PPP4R3B: variants seen among roughly 807,000 people sequenced by gnomAD.
PPP4R3B encodes serine/threonine-protein phosphatase 4 regulatory subunit 3B.
A neutral mutation model predicts 95.4 loss-of-function variants in PPP4R3B; 52 were observed. The ratio of observed to expected loss-of-function variants is 0.54; its 90% CI spans 0.44 to 0.69. The LOEUF (loss-of-function observed/expected upper bound fraction) is 0.69. Among genes scored for constraint, PPP4R3B ranks in the 30% least tolerant of loss-of-function variants. The pLI is 0.00. For missense variants in PPP4R3B, 1,003 were observed against 1,005.9 expected, an observed-to-expected ratio of 1.00 and a Z score of 0.04; for synonymous variants, 407 against 343.9, an observed-to-expected ratio of 1.18 and a Z score of -2.03.
intron 16 of PPP4R3B, among the ~76,000 whole-genome samples, chr2:55,557,771 C>A (rs911084104): frequency 1.3e-5 from 2 of 151,980 alleles, no homozygotes; most frequent in Non-Finnish European, 2.9e-5. Flanking sequence ...CAATAGTTGT[C>A]CCCTATTTAT....
intron 15 of PPP4R3B, among the ~76,000 whole-genome samples, chr2:55,561,816 A>G (rs1335132458): frequency 1.3e-5 from 2 of 152,070 alleles, no homozygotes; most frequent in African/African-American, 4.8e-5. Flanking sequence ...CTTGTTTTTT[A>G]TTTTATAGGA....
rs750406044 is a variant in PPP4R3B at position 55,558,820 on chromosome 2, G to C, written c.2409C>G (p.Ser803=). The C allele has an allele frequency of 6.2e-7, 1 of 1,612,842 alleles. No individual in the cohort carries two copies. The highest frequency in any genetic ancestry group is 1.7e-5 in the Admixed American group (1 of 59,944). Residue 803 remains serine (S), a synonymous_variant, in exon 16 of 17, where the codon TCC becomes TCG. Transcript: ENST00000616407. ...AQIPPATSNG[S]SSKTTNLPTS... is the part of the protein sequence containing the mutation. ...TAGGCAAGTTTGTGGTTTTGGAAGA[G>C]GATCCATTAGAAGTTGCTGGTGGTA...
chr2:55,558,921 C>A lies in PPP4R3B; in HGVS notation c.2308G>T (p.Gly770Cys). The A allele has an allele frequency of 6.2e-7, 1 of 1,613,238 alleles. No individual in the cohort carries two copies. Among genetic ancestry groups the A allele is most frequent in the Non-Finnish European group, 8.5e-7 (1 of 1,179,636 alleles). ...TGGGAGAAAGTAAATTTGAAGCCAC[C>A]AGGAGATGTCCTTTTGGGAAGGTTT... Reference protein sequence around the residue: ...KENLPKRTSPGGFKFTFSHSA... With the variant: ...KENLPKRTSPCGFKFTFSHSA... The change falls in exon 16 of 17, where the codon GGT becomes TGT. Residue 770 changes from glycine to cysteine, a missense_variant. Transcript: ENST00000616407.
intron 3 of PPP4R3B, among the ~76,000 whole-genome samples, chr2:55,600,235 T>G (rs908598980): frequency 6.6e-6 from 1 of 152,074 alleles, no homozygotes; most frequent in Admixed American, 6.6e-5. Context: ...AAGACCAGCC[T>G]GACCAACATG....
chr2:55,551,516 C>T (rs573620033), intron 16 of PPP4R3B, among the ~76,000 whole-genome samples: 1 of 152,070 alleles, frequency 6.6e-6, no homozygotes, highest in South Asian at 2.1e-4. Context: ...TTTGGGAGGC[C>T]AAGGTAGGTG....
intron 2 of PPP4R3B, among the ~76,000 whole-genome samples, chr2:55,607,607 T>A (rs774209030): frequency 6.6e-5 from 10 of 152,176 alleles, no homozygotes; most frequent in Non-Finnish European, 1.0e-4. Context: ...TCCAGGAACT[T>A]CCACTTAGTT....
intron 16 of PPP4R3B, among the ~76,000 whole-genome samples, chr2:55,555,046 C>T (rs559614073): frequency 2.0e-5 from 3 of 152,090 alleles, no homozygotes; most frequent in Non-Finnish European, 2.9e-5. Context: ...TTTGGGAGGC[C>T]GAGGCAGGCA....
At chr2:55,561,140 G>A (rs371293089) in intron 15 of PPP4R3B, among the ~76,000 whole-genome samples, 21 of 152,104 alleles carry the variant, frequency 1.4e-4, no homozygotes, top group East Asian at 7.8e-4. Flanking sequence ...CAGCCATGGC[G>A]AAAAGGAGCC....
intron 2 of PPP4R3B, among the ~76,000 whole-genome samples, chr2:55,612,811 T>C (rs373802658): frequency 3.3e-5 from 5 of 152,162 alleles, no homozygotes; most frequent in African/African-American, 1.2e-4. Flanking sequence ...CTGGGCGTGG[T>C]GGCGGGCGCC....
chr2:55,613,646 C>G (rs1694500969), intron 2 of PPP4R3B, among the ~76,000 whole-genome samples: 1 of 151,952 alleles, frequency 6.6e-6, no homozygotes, highest in Non-Finnish European at 1.5e-5. Context: ...CAAACCTACT[C>G]CATAATGTGA....
intron 11 of PPP4R3B, 48 bp from the exon 12 acceptor site, chr2:55,573,825 A>G (rs1246781267): frequency 8.1e-7 from 1 of 1,229,964 alleles, no homozygotes; most frequent in Non-Finnish European, 1.1e-6. Flanking sequence ...ATATATCTAA[A>G]TAAAGAATAA....
intron 15 of PPP4R3B, among the ~76,000 whole-genome samples, chr2:55,560,156 TTGGAAC>T (rs1238945993): frequency 3.3e-5 from 5 of 151,980 alleles, no homozygotes; most frequent in Admixed American, 1.3e-4. Flanking sequence ...GGAAGCGACT[TTGGAAC>T]TGGGTAATAG....
chr2:55,612,777 T>G (rs1016669518), intron 2 of PPP4R3B, among the ~76,000 whole-genome samples: 16 of 151,920 alleles, frequency 1.1e-4, no homozygotes, highest in African/African-American at 3.9e-4. Context: ...ACCCCATCTC[T>G]ACTAAAAAAT....
chr2:55,616,927 A>G (rs536849047), intron 1 of PPP4R3B, among the ~76,000 whole-genome samples: 2 of 152,208 alleles, frequency 1.3e-5, no homozygotes, highest in Non-Finnish European at 2.9e-5. Context: ...AAGGAGTCCA[A>G]TCCTTAAGAG....
intron 12 of PPP4R3B, among the ~76,000 whole-genome samples, chr2:55,570,787 A>G (rs1233336485): frequency 6.6e-6 from 1 of 152,228 alleles, no homozygotes; most frequent in East Asian, 1.9e-4. Flanking sequence ...TGTTAACTGT[A>G]ACACCAAACA....
At chr2:55,566,239 C>T (rs1015707196) in intron 13 of PPP4R3B, among the ~76,000 whole-genome samples, 5 of 151,948 alleles carry the variant, frequency 3.3e-5, no homozygotes, top group East Asian at 1.9e-4. Flanking sequence ...AAAAAAAATA[C>T]GCAAATCAGA....
At chr2:55,552,285 C>T (rs573484027) in intron 16 of PPP4R3B, among the ~76,000 whole-genome samples, 1 of 151,912 alleles carries the variant, frequency 6.6e-6, no homozygotes, top group Non-Finnish European at 1.5e-5. Flanking sequence ...TTTAAAATAG[C>T]AGATTGAAAT....
chr2:55,588,667 A>G (rs1181996774), intron 5 of PPP4R3B, among the ~76,000 whole-genome samples: 1 of 152,186 alleles, frequency 6.6e-6, no homozygotes, highest in Non-Finnish European at 1.5e-5. Context: ...GTGATACATC[A>G]GAACATCCTA....
intron 11 of PPP4R3B, among the ~76,000 whole-genome samples, chr2:55,574,079 G>C (rs760821569): frequency 6.6e-6 from 1 of 150,990 alleles, no homozygotes. Flanking sequence ...TTTTTGTAGA[G>C]ATGGGGCCTC....
Sources: allele counts gnomAD v4.1 joint callset (sites outside exome capture counted in the v4.1 genomes callset), GRCh38; gene constraint gnomAD v4.1.1; transcripts MANE v1.5; gene names NCBI Gene and HGNC (gene_info 2026-07-23, HGNC 2026-07-21).